Variants in OPCML observed in about 807,000 individuals in gnomAD.
OPCML encodes the protein opioid binding protein/cell adhesion molecule like, also known as opioid-binding protein/cell adhesion molecule.
A neutral mutation model predicts 37.8 loss-of-function variants in OPCML; 13 were observed. The observed-to-expected ratio is 0.34, with a 90% confidence interval of 0.22 to 0.55. The LOEUF is 0.55. OPCML is among the 20% of genes least tolerant of loss of function. OPCML has a pLI of 0.91. For missense variants in OPCML, 341 were observed against 435.6 expected, an observed-to-expected ratio of 0.78 and a Z score of 1.93; for synonymous variants, 176 against 168.8, an observed-to-expected ratio of 1.04 and a Z score of -0.33.
chr11:133,289,329 C>T (rs948257444), intron 1 of OPCML, among the ~76,000 whole-genome samples: 1 of 152,144 alleles, frequency 6.6e-6, no homozygotes, highest in Non-Finnish European at 1.5e-5. Context: ...GGCGCGGTGG[C>T]TCACGCCTGT....
chr11:133,314,089 G>C (rs12278322), intron 1 of OPCML, among the ~76,000 whole-genome samples: 1 of 143,290 alleles, frequency 7.0e-6, no homozygotes, highest in Non-Finnish European at 1.5e-5. Context: ...CAAAAAATTA[G>C]CCGGGCGTAG....
Position 133,161,021 on chromosome 11 carries a change from C to G in OPCML, c.62-218011G>C, listed in dbSNP as rs755569084. 3.3e-5 allele frequency among the ~76,000 whole-genome samples: 5 copies of G among 152,310 alleles called. No homozygotes were observed. In the East Asian group the frequency reaches 9.7e-4, roughly 29 times the overall value. Reference sequence around the variant, plus strand: ...TGGAAATCAGGCAGCAGGCCTGGTGCGGGGCAGGCATTGGGCCGAATGGGA... The same window carrying G: ...TGGAAATCAGGCAGCAGGCCTGGTGGGGGGCAGGCATTGGGCCGAATGGGA... On this transcript the variant is annotated intron_variant, in intron 1 of 7. Coordinates refer to ENST00000524381, the MANE Select transcript of OPCML (RefSeq NM_001012393.5).
intron 2 of OPCML, among the ~76,000 whole-genome samples, chr11:132,678,498 G>A (rs901935863): frequency 1.3e-5 from 2 of 152,130 alleles, no homozygotes; most frequent in African/African-American, 4.8e-5. Flanking sequence ...CAACTAAGAG[G>A]TTCTTCAGTA....
chr11:133,455,793 T>A (rs1010926492), intron 1 of OPCML, among the ~76,000 whole-genome samples: 3 of 152,240 alleles, frequency 2.0e-5, no homozygotes, highest in Admixed American at 2.0e-4. Context: ...CTCTGAAAAC[T>A]AGTCAAAGAT....
intron 3 of OPCML, among the ~76,000 whole-genome samples, chr11:132,545,054 G>A (rs183699456): frequency 2.7e-4 from 41 of 152,200 alleles, no homozygotes; most frequent in African/African-American, 9.6e-4. Context: ...ATTAAACATT[G>A]TCTATTTTTA....
At chr11:132,918,529 A>G (rs2136571317) in intron 2 of OPCML, among the ~76,000 whole-genome samples, 1 of 152,342 alleles carries the variant, frequency 6.6e-6, no homozygotes, top group African/African-American at 2.4e-5. Flanking sequence ...TCCTTTTTAA[A>G]AGTAAAAATG....
chr11:133,300,711 G>C (rs149269293), intron 1 of OPCML: 1 of 152,302 alleles, frequency 6.6e-6, no homozygotes, highest in East Asian at 1.9e-4. Context: ...AGTTAACATG[G>C]AGATGGAGAT....
chr11:132,552,763 C>CTTTTTTTTT lies in OPCML; in HGVS notation c.380-23586_380-23578dup, dbSNP rs562056846. ...TAGTCAAACTAAATTAAACACTACT[C>CTTTTTTTTT]TTTTTTTTTTTTTTTTGAGACCGAG... is the stretch of plus-strand genomic sequence containing the variant. On this transcript the variant is annotated intron_variant, in intron 3 of 7. Transcript: ENST00000524381. Among the ~76,000 whole-genome samples, 31 of 92,780 alleles carry CTTTTTTTTT rather than the reference C, an allele frequency of 3.3e-4. 4 individuals are homozygous for CTTTTTTTTT. The highest frequency in any genetic ancestry group is 6.7e-4 in the African/African-American group (12 of 17,836). The allele number at this position is 92,780 out of a possible 152,430, so 60.9% of individuals were successfully genotyped here.
At chr11:132,749,006 C>T (rs575220424) in intron 2 of OPCML, among the ~76,000 whole-genome samples, 7 of 152,254 alleles carry the variant, frequency 4.6e-5, no homozygotes, top group Admixed American at 2.0e-4. Context: ...ATCCTCTATA[C>T]TGAAATCCCA....
At chr11:132,570,816 G>GAGAGAGAGAGAGAGAGAGATACAC in intron 3 of OPCML, among the ~76,000 whole-genome samples, 1 of 126,986 alleles carries the variant, frequency 7.9e-6, no homozygotes, top group African/African-American at 2.9e-5. Context: ...GAGAGAGAGA[G>GAGAGAGAGAGAGAGAGAGATACAC]AGAGGATATA....
At position 132,757,509 on chromosome 11, in the gene OPCML, G is replaced by T. The variant is rs576530065; in HGVS notation, c.147-100190C>A. Among the ~76,000 whole-genome samples, 5 of 152,242 alleles carry T rather than the reference G, an allele frequency of 3.3e-5. No homozygotes were observed. The South Asian group carries it at 6.2e-4, about 19-fold the overall frequency. ...ATTGCCATTCTAACTGGTGTGAGAT[G>T]GTATCTCATTGTGGTTTTGATTTGC... On this transcript the variant is annotated intron_variant, in intron 2 of 7. Transcript: ENST00000524381.
intron 7 of OPCML, among the ~76,000 whole-genome samples, chr11:132,424,252 T>A (rs563142681): frequency 6.6e-6 from 1 of 152,142 alleles, no homozygotes; most frequent in East Asian, 1.9e-4. Context: ...CCCAAGTAGC[T>A]GGGACTACAG....
At chr11:132,455,405 A>C (rs1237734618) in intron 4 of OPCML, among the ~76,000 whole-genome samples, 2 of 152,124 alleles carry the variant, frequency 1.3e-5, no homozygotes, top group Non-Finnish European at 2.9e-5. Flanking sequence ...GTGGGACTGG[A>C]TGGTTCCCTG....
rs540606751 is a variant in OPCML, at chr11:132,424,190, G to A, written c.917-3897C>T. Among the ~76,000 whole-genome samples, 645 of 151,864 alleles carry A rather than the reference G, an allele frequency of 4.2e-3. 3 individuals carry two copies. The highest frequency in any genetic ancestry group is 0.015 in the African/African-American group (605 of 41,406). On this transcript the variant is annotated intron_variant, in intron 7 of 7. Transcript: ENST00000524381. ...GCTGGAGTGCAGTGGCGTGATCTCG[G>A]CTCACTGCAAGCTCCACCTCCTGGG...
At chr11:132,882,876 G>A (rs183879723) in intron 2 of OPCML, among the ~76,000 whole-genome samples, 1 of 152,166 alleles carries the variant, frequency 6.6e-6, no homozygotes, top group Non-Finnish European at 1.5e-5. Context: ...AAAAAACTCT[G>A]AAGATCAAGA....
chr11:132,777,801 C>A (rs1432873400), intron 2 of OPCML, among the ~76,000 whole-genome samples: 2 of 152,164 alleles, frequency 1.3e-5, no homozygotes, highest in Non-Finnish European at 2.9e-5. Context: ...TGAATCTGGT[C>A]TCACACCTGT....
At chr11:132,829,269 G>A (rs1018986861) in intron 2 of OPCML, among the ~76,000 whole-genome samples, 1 of 152,202 alleles carries the variant, frequency 6.6e-6, no homozygotes, top group Non-Finnish European at 1.5e-5. Context: ...AAAAATCATA[G>A]CAGCTAGGAT....
At chr11:133,498,695 G>C (rs73025655) in intron 1 of OPCML, among the ~76,000 whole-genome samples, 1 of 152,152 alleles carries the variant, frequency 6.6e-6, no homozygotes, top group African/African-American at 2.4e-5. Flanking sequence ...CAGTAGCGTC[G>C]CACATCTGAT....
intron 1 of OPCML, among the ~76,000 whole-genome samples, chr11:133,318,919 C>A (rs1420831200): frequency 1.1e-4 from 17 of 152,092 alleles, no homozygotes; most frequent in African/African-American, 3.9e-4. Context: ...CCCAGCTACT[C>A]GGGAGGCTGA....
Sources: gnomAD v4.1 joint callset for allele counts (sites outside exome capture counted in the v4.1 genomes callset) on GRCh38, gnomAD v4.1.1 for gene constraint, MANE v1.5 for transcripts, NCBI Gene and HGNC (gene_info 2026-07-23, HGNC 2026-07-21) for gene names.